Variants in ARHGAP24 observed in about 807,000 individuals in gnomAD.
ARHGAP24 encodes the protein rho GTPase-activating protein 24.
ARHGAP24 carries 50 observed loss-of-function variants against 76.4 expected under a neutral mutation model. The observed-to-expected ratio is 0.65, with a 90% confidence interval of 0.52 to 0.83. The LOEUF is 0.83. Among genes scored for constraint, ARHGAP24 ranks in the 40% least tolerant of loss-of-function variants. The probability of loss-of-function intolerance (pLI) is 0.00; values close to 1 mark genes in which losing one functional copy is unlikely to be tolerated. For synonymous variants in ARHGAP24, 345 were observed against 323.3 expected (o/e 1.07, Z -0.72); for missense variants, 930 against 914.2 (o/e 1.02, Z -0.22).
chr4:85,923,714 A>T lies in ARHGAP24; in HGVS notation c.335A>T (p.Asp112Val), dbSNP rs1735861032. 6.2e-7 allele frequency: 1 copy of T among 1,613,866 alleles called. No individual in the cohort carries two copies. Among genetic ancestry groups the T allele is most frequent in the South Asian group, 1.1e-5 (1 of 91,082 alleles). Residue 112 changes from aspartate (D) to valine (V), a missense_variant, in exon 4 of 10, where the codon GAT becomes GTT. Coordinates refer to ENST00000395184, the MANE Select transcript of ARHGAP24 (RefSeq NM_001025616.3). Reference sequence around the variant, plus strand: ...CTCCTCATGGCAAGCACCCAGAATGATATGGAAGACTGGGTGAAGTCAATC... The same window carrying T: ...CTCCTCATGGCAAGCACCCAGAATGTTATGGAAGACTGGGTGAAGTCAATC... The part of the protein sequence containing the change: ...SYLLMASTQN[D>V]MEDWVKSIRR...
intron 2 of ARHGAP24, among the ~76,000 whole-genome samples, chr4:85,591,708 C>T (rs1728117699): frequency 6.6e-6 from 1 of 152,126 alleles, no homozygotes; most frequent in African/African-American, 2.4e-5. Context: ...GTAATACTCA[C>T]GTGCACTCTG....
intron 2 of ARHGAP24, among the ~76,000 whole-genome samples, chr4:85,573,921 T>C (rs1280052100): frequency 1.3e-5 from 2 of 152,220 alleles, no homozygotes; most frequent in African/African-American, 4.8e-5. Context: ...ATTTCTTGCT[T>C]TTTTCTTTTC....
chr4:85,819,321 C>A (rs1257559436), intron 3 of ARHGAP24, among the ~76,000 whole-genome samples: 2 of 152,176 alleles, frequency 1.3e-5, no homozygotes, highest in Admixed American at 1.3e-4. Context: ...CATCTCATTT[C>A]CACATCCAAT....
intron 2 of ARHGAP24, among the ~76,000 whole-genome samples, chr4:85,606,824 T>A (rs1420527680): frequency 6.6e-6 from 1 of 152,178 alleles, no homozygotes; most frequent in Non-Finnish European, 1.5e-5. Flanking sequence ...TAGAGTTAAG[T>A]GCTATGGTGA....
chr4:85,928,010 A>G (rs1484787070), intron 4 of ARHGAP24, among the ~76,000 whole-genome samples: 1 of 152,204 alleles, frequency 6.6e-6, no homozygotes, highest in Non-Finnish European at 1.5e-5. Flanking sequence ...ATGAATTTAT[A>G]AAATACTCAT....
chr4:85,508,939 A>G (rs533100340), intron 1 of ARHGAP24, among the ~76,000 whole-genome samples: 6 of 152,006 alleles, frequency 3.9e-5, no homozygotes, highest in African/African-American at 1.4e-4. Flanking sequence ...AGTCTTGCTT[A>G]TCAGGTCTGG....
chr4:85,561,468 G>C (rs565627931), intron 1 of ARHGAP24, among the ~76,000 whole-genome samples: 1 of 152,312 alleles, frequency 6.6e-6, no homozygotes, highest in Admixed American at 6.5e-5. Context: ...GTATGGTGGA[G>C]AGTGAGGGGA....
At chr4:85,564,900 C>T (rs555412404) in intron 1 of ARHGAP24, among the ~76,000 whole-genome samples, 10 of 135,554 alleles carry the variant, frequency 7.4e-5, no homozygotes, top group Admixed American at 6.9e-4. Context: ...GTTGGGGACC[C>T]CTGCTCTAGG....
intron 2 of ARHGAP24, among the ~76,000 whole-genome samples, chr4:85,667,630 C>T (rs112440782): frequency 0.029 from 4,478 of 152,296 alleles, 201 homozygotes; most frequent in African/African-American, 0.1. Context: ...TGTTCCTATT[C>T]GGCCATCTTG....
intron 3 of ARHGAP24, among the ~76,000 whole-genome samples, chr4:85,870,112 G>A (rs1732440026): frequency 6.6e-6 from 1 of 152,122 alleles, no homozygotes; most frequent in Non-Finnish European, 1.5e-5. Context: ...CACATAGACA[G>A]CACTTAATAA....
chr4:85,711,445 C>CTCTGCATA (rs1419305562), intron 2 of ARHGAP24, among the ~76,000 whole-genome samples: 5 of 152,084 alleles, frequency 3.3e-5, no homozygotes, highest in Non-Finnish European at 5.9e-5. Flanking sequence ...CTGCATATTA[C>CTCTGCATA]TTTTATTTTT....
intron 5 of ARHGAP24, among the ~76,000 whole-genome samples, chr4:85,944,558 A>G (rs1211361390): frequency 6.6e-6 from 1 of 152,116 alleles, no homozygotes; most frequent in Admixed American, 6.5e-5. Context: ...GTTGTGCAGA[A>G]GCTCTTTAGT....
intron 1 of ARHGAP24, among the ~76,000 whole-genome samples, chr4:85,497,019 A>T (rs544428113): frequency 6.6e-6 from 1 of 152,354 alleles, no homozygotes; most frequent in South Asian, 2.1e-4. Flanking sequence ...AATATTGGAT[A>T]TTTGGCAAAT....
intron 2 of ARHGAP24, among the ~76,000 whole-genome samples, chr4:85,641,956 G>A (rs974635502): frequency 2.6e-5 from 4 of 152,122 alleles, no homozygotes; most frequent in African/African-American, 4.8e-5. Flanking sequence ...CAAGAAGGGC[G>A]TGATCTAATA....
intron 3 of ARHGAP24, among the ~76,000 whole-genome samples, chr4:85,833,885 A>T (rs1730125430): frequency 1.3e-5 from 2 of 152,226 alleles, no homozygotes; most frequent in South Asian, 4.1e-4. Context: ...AATATTTTAC[A>T]TTAGTTAAGA....
chr4:85,515,086 C>G (rs1407464880), intron 1 of ARHGAP24, among the ~76,000 whole-genome samples: 1 of 152,052 alleles, frequency 6.6e-6, no homozygotes, highest in Non-Finnish European at 1.5e-5. Context: ...AGATCTAATT[C>G]ATCCTTAGGT....
chr4:85,846,155 T>C (rs939870236), intron 3 of ARHGAP24, among the ~76,000 whole-genome samples: 8 of 152,144 alleles, frequency 5.3e-5, no homozygotes, highest in African/African-American at 1.7e-4. Flanking sequence ...TCCGCCCGCC[T>C]CGGCCTCCCA....
chr4:85,741,068 G>A (rs1357692953), intron 3 of ARHGAP24, among the ~76,000 whole-genome samples: 1 of 152,122 alleles, frequency 6.6e-6, no homozygotes, highest in African/African-American at 2.4e-5. Context: ...ACTTGCCCTA[G>A]GTCACCAGCC....
intron 1 of ARHGAP24, among the ~76,000 whole-genome samples, chr4:85,476,775 T>C (rs2110084992): frequency 6.6e-6 from 1 of 152,312 alleles, no homozygotes; most frequent in South Asian, 2.1e-4. Context: ...ACACACAGAA[T>C]GTATGTATTA....
Sources: allele counts gnomAD v4.1 joint callset (sites outside exome capture counted in the v4.1 genomes callset), GRCh38; gene constraint gnomAD v4.1.1; transcripts MANE v1.5; gene names NCBI Gene and HGNC (gene_info 2026-07-23, HGNC 2026-07-21).